The following CLMP variants were observed in gnomAD, a reference collection of about 807,000 sequenced individuals.
CLMP encodes the protein CXADR-like membrane protein.
CLMP carries 27 observed loss-of-function variants against 45.2 expected under a neutral mutation model. The observed-to-expected ratio is 0.60, with a 90% CI of 0.44 to 0.82. CLMP has a LOEUF of 0.82. Among genes scored for constraint, CLMP ranks in the 40% least tolerant of loss-of-function variants. The pLI, the probability that CLMP is intolerant of heterozygous loss-of-function variation, is 0.00. For synonymous variants in CLMP, 167 were observed against 171.4 expected, an observed-to-expected ratio of 0.97 and a Z score of 0.20; for missense variants, 403 against 448.4, an observed-to-expected ratio of 0.90 and a Z score of 0.91.
At chr11:123,132,912 C>T (rs759488002) in intron 1 of CLMP, among the ~76,000 whole-genome samples, 13 of 151,768 alleles carry the variant, frequency 8.6e-5, no homozygotes, top group African/African-American at 1.5e-4. Flanking sequence ...TGCAAGTAGG[C>T]GTGCACCACC....
At chr11:123,136,342 G>A in intron 1 of CLMP, 1 of 594,820 alleles carries the variant, frequency 1.7e-6, no homozygotes, top group Non-Finnish European at 3.2e-6. Context: ...CGTAAGAGTC[G>A]TCCTCACTTT....
intron 1 of CLMP, among the ~76,000 whole-genome samples, chr11:123,118,608 G>A (rs1860749088): frequency 6.6e-6 from 1 of 152,212 alleles, no homozygotes; most frequent in African/African-American, 2.4e-5. Flanking sequence ...ATGGTATGCA[G>A]ATAAATGGAC....
intron 1 of CLMP, among the ~76,000 whole-genome samples, chr11:123,178,931 C>A (rs985914006): frequency 3.3e-5 from 5 of 152,164 alleles, no homozygotes; most frequent in African/African-American, 1.2e-4. Flanking sequence ...ACGTCTAGCA[C>A]AGTGTCTGTT....
intron 1 of CLMP, among the ~76,000 whole-genome samples, chr11:123,163,724 C>G (rs540261563): frequency 6.6e-6 from 1 of 151,994 alleles, no homozygotes; most frequent in Admixed American, 6.5e-5. Flanking sequence ...AAGGTAATGT[C>G]AGATCTTTCA....
intron 1 of CLMP, among the ~76,000 whole-genome samples, chr11:123,159,549 G>T (rs1861457732): frequency 1.3e-5 from 2 of 152,174 alleles, no homozygotes; most frequent in South Asian, 2.1e-4. Context: ...GCATAAAATT[G>T]GTGTGCTGTG....
chr11:123,121,126 C>CA (rs760887619), intron 1 of CLMP, among the ~76,000 whole-genome samples: 12,078 of 64,780 alleles, frequency 0.19, 1,051 homozygotes, highest in Non-Finnish European at 0.21. Flanking sequence ...GACTCCGTCT[C>CA]AAAAAAAAAA....
chr11:123,116,771 T>A (rs1860726297), intron 1 of CLMP, among the ~76,000 whole-genome samples: 1 of 152,226 alleles, frequency 6.6e-6, no homozygotes, highest in Admixed American at 6.5e-5. Context: ...AAGCTTGATA[T>A]GACCACTTTT....
chr11:123,136,270 G>C (rs1038360547), intron 1 of CLMP: 5 of 652,044 alleles, frequency 7.7e-6, no homozygotes, highest in Admixed American at 7.5e-5. Context: ...ATCCCGAACT[G>C]TGGCCAAACA....
chr11:123,084,734 G>C (rs1372422003), intron 2 of CLMP, 21 bp from the exon 3 acceptor site: 1 of 1,606,670 alleles, frequency 6.2e-7, no homozygotes, highest in Admixed American at 1.7e-5. Flanking sequence ...GACCGAGGCA[G>C]AGTCAAGCAG....
chr11:123,083,298 G>T (rs368662212), intron 4 of CLMP, 91 bp from the exon 5 acceptor site: 3 of 1,196,222 alleles, frequency 2.5e-6, no homozygotes, highest in African/African-American at 1.5e-5. Flanking sequence ...CTGAGATTCC[G>T]TAATGCTATT....
intron 1 of CLMP, among the ~76,000 whole-genome samples, chr11:123,166,532 G>A (rs375119732): frequency 2.6e-5 from 4 of 152,206 alleles, no homozygotes; most frequent in African/African-American, 9.6e-5. Context: ...GGCCGTGTTT[G>A]GACTAGAAGG....
intron 1 of CLMP, among the ~76,000 whole-genome samples, chr11:123,135,374 C>T (rs1861058223): frequency 6.6e-6 from 1 of 151,472 alleles, no homozygotes; most frequent in South Asian, 2.1e-4. Flanking sequence ...AGCCTGTATA[C>T]CATATGTACA....
At chr11:123,088,008 T>C (rs1428645946) in intron 2 of CLMP, among the ~76,000 whole-genome samples, 1 of 151,742 alleles carries the variant, frequency 6.6e-6, no homozygotes, top group Non-Finnish European at 1.5e-5. Context: ...CCTCCCGGGT[T>C]CAAGTGATTC....
chr11:123,119,885 C>T (rs1860788805), intron 1 of CLMP, among the ~76,000 whole-genome samples: 1 of 152,126 alleles, frequency 6.6e-6, no homozygotes, highest in South Asian at 2.1e-4. Flanking sequence ...CAAGGTTTCA[C>T]CATGTTGGCT....
intron 1 of CLMP, among the ~76,000 whole-genome samples, chr11:123,150,480 A>AAAGGAAGGAAGGAAGGAAGGAAGGAAGG (rs71057397): frequency 2.4e-5 from 1 of 40,962 alleles, no homozygotes; most frequent in Admixed American, 2.7e-4. Context: ...AGAAAGAAAG[A>AAAGGAAGGAAGGAAGGAAGGAAGGAAGG]AAGGAAGGAA....
At chr11:123,074,610 A>G in intron 6 of CLMP, 92 bp downstream of exon 6, 1 of 1,298,864 alleles carries the variant, frequency 7.7e-7, no homozygotes, top group South Asian at 1.4e-5. Flanking sequence ...ATTCATGGTT[A>G]AGAGAAAACT....
intron 2 of CLMP, among the ~76,000 whole-genome samples, chr11:123,085,783 GT>G (rs1167812909): frequency 0.032 from 3,459 of 108,700 alleles, 110 homozygotes; most frequent in East Asian, 0.23. Flanking sequence ...TTTTTTTTTT[GT>G]TTTTTTTTTG....
intron 1 of CLMP, among the ~76,000 whole-genome samples, chr11:123,177,963 A>T (rs552112291): frequency 7.6e-4 from 116 of 152,224 alleles, no homozygotes; most frequent in African/African-American, 2.6e-3. Context: ...CCCGGGTTCA[A>T]GCGATACTTC....
At chr11:123,145,465 T>TG (rs372691623) in intron 1 of CLMP, among the ~76,000 whole-genome samples, 40,260 of 136,346 alleles carry the variant, frequency 0.3, 6,320 homozygotes, top group African/African-American at 0.43. Flanking sequence ...TTTTTTTTTT[T>TG]TTTTTTTTTT....
Sources: gnomAD v4.1 joint callset for allele counts (sites outside exome capture counted in the v4.1 genomes callset) on GRCh38, gnomAD v4.1.1 for gene constraint, MANE v1.5 for transcripts, NCBI Gene and HGNC (gene_info 2026-07-23, HGNC 2026-07-21) for gene names.